Variants in BBS9 observed in about 807,000 individuals in gnomAD.
The protein encoded by BBS9 is protein PTHB1.
A neutral mutation model predicts 117.7 loss-of-function variants in BBS9; 89 were observed. The observed-to-expected ratio is 0.76, with a 90% CI of 0.64 to 0.90. The LOEUF is 0.90. BBS9 is among the 40% of genes least tolerant of loss of function. The pLI is 0.00. For synonymous variants in BBS9, 379 were observed against 370.9 expected, an observed-to-expected ratio of 1.02 and a Z score of -0.25; for missense variants, 982 against 1,042.2, an observed-to-expected ratio of 0.94 and a Z score of 0.80.
intron 9 of BBS9, among the ~76,000 whole-genome samples, chr7:33,327,889 A>G (rs983226648): frequency 1.3e-5 from 2 of 152,176 alleles, no homozygotes; most frequent in African/African-American, 4.8e-5. Context: ...TGAGCAGCTT[A>G]AAGAATGGAG....
At chr7:33,129,370 G>A, upstream of BBS9, 1 of 441,860 alleles carries the variant, frequency 2.3e-6, no homozygotes, top group South Asian at 4.0e-5. Flanking sequence ...GAGGATTGCA[G>A]TAATTATCAC....
At chr7:33,224,234 G>A (rs984298889) in intron 5 of BBS9, among the ~76,000 whole-genome samples, 4 of 152,156 alleles carry the variant, frequency 2.6e-5, no homozygotes, top group African/African-American at 9.7e-5. Flanking sequence ...TCAGGTCAGT[G>A]CAATTAGCCT....
In BBS9 at chr7:33,570,625, T is replaced by C. The variant is rs138537461; in HGVS notation, c.2522-34240T>C. 5.1e-3 allele frequency among the ~76,000 whole-genome samples: 773 copies of C among 152,296 alleles called. 9 individuals are homozygous for C. Among genetic ancestry groups the C allele is most frequent in the South Asian group, 0.018 (86 of 4,822 alleles). On this transcript the variant is annotated intron_variant, in intron 21 of 22. Transcript: ENST00000242067. The stretch of plus-strand genomic sequence containing the variant: ...CAAAATATTTGCATAGTCTCAAATA[T>C]ATTTATTAATTTTAAGGGAAAACTG...
At chr7:33,614,192 T>C (rs556615980) in intron 21 of BBS9, among the ~76,000 whole-genome samples, 25 of 152,200 alleles carry the variant, frequency 1.6e-4, no homozygotes, top group Admixed American at 1.4e-3. Context: ...GTTATTCTTT[T>C]TAAAATACAG....
chr7:33,549,965 A>T (rs1001914241), intron 21 of BBS9, among the ~76,000 whole-genome samples: 1 of 152,224 alleles, frequency 6.6e-6, no homozygotes, highest in Non-Finnish European at 1.5e-5. Flanking sequence ...TTTGTCTTCA[A>T]ATATGAGGAT....
At chr7:33,424,872 C>G (rs1050176369) in intron 19 of BBS9, among the ~76,000 whole-genome samples, 1 of 151,914 alleles carries the variant, frequency 6.6e-6, no homozygotes, top group Admixed American at 6.6e-5. Context: ...TTTGATCACT[C>G]AGAGTAACAG....
chr7:33,386,997 G>A (rs1487804183), intron 18 of BBS9, among the ~76,000 whole-genome samples: 2 of 151,934 alleles, frequency 1.3e-5, no homozygotes, highest in Non-Finnish European at 1.5e-5. Flanking sequence ...AATAATGGTA[G>A]CACATTATAC....
At chr7:33,359,164 C>T (rs1194149024) in intron 16 of BBS9, among the ~76,000 whole-genome samples, 1 of 151,856 alleles carries the variant, frequency 6.6e-6, no homozygotes, top group Non-Finnish European at 1.5e-5. Flanking sequence ...CCTTTTGTAA[C>T]ATCTTGTATA....
chr7:33,388,229 T>G (rs79833604), intron 19 of BBS9, 85 bp downstream of exon 19: 740 of 1,476,866 alleles, frequency 5.0e-4, no homozygotes, highest in Non-Finnish European at 6.3e-4. Context: ...ATATCCAAGA[T>G]AAGGTACTCA....
chr7:33,228,926 A>G (rs972158037), intron 5 of BBS9, among the ~76,000 whole-genome samples: 19 of 152,142 alleles, frequency 1.2e-4, no homozygotes, highest in African/African-American at 4.6e-4. Flanking sequence ...TTGTTGTTCA[A>G]GGGTCAGCTG....
intron 21 of BBS9, among the ~76,000 whole-genome samples, chr7:33,594,222 G>A (rs1862371119): frequency 6.6e-6 from 1 of 152,106 alleles, no homozygotes. Context: ...GCTCTGAGGT[G>A]TGAAATGGAA....
chr7:33,521,287 G>A (rs1056489752), intron 20 of BBS9, among the ~76,000 whole-genome samples: 4 of 152,186 alleles, frequency 2.6e-5, no homozygotes, highest in African/African-American at 9.7e-5. Context: ...GTTTGCAGCA[G>A]CTTTCTGCTT....
At chr7:33,599,876 A>C (rs1863527413) in intron 21 of BBS9, among the ~76,000 whole-genome samples, 1 of 152,262 alleles carries the variant, frequency 6.6e-6, no homozygotes, top group East Asian at 1.9e-4. Context: ...TCCACCTAGC[A>C]GTGGTGAGGG....
At chr7:33,521,477 A>G (rs1326797936) in intron 20 of BBS9, among the ~76,000 whole-genome samples, 1 of 152,208 alleles carries the variant, frequency 6.6e-6, no homozygotes, top group Non-Finnish European at 1.5e-5. Flanking sequence ...AGTTGTGACA[A>G]AGATACGGAG....
chr7:33,552,073 C>T (rs967182652), intron 21 of BBS9, among the ~76,000 whole-genome samples: 43 of 152,044 alleles, frequency 2.8e-4, no homozygotes, highest in Non-Finnish European at 1.2e-4. Context: ...GATAACATAT[C>T]TGTAGTGATC....
chr7:33,358,722 C>T (rs1389811382), intron 16 of BBS9, among the ~76,000 whole-genome samples: 1 of 151,808 alleles, frequency 6.6e-6, no homozygotes, highest in Non-Finnish European at 1.5e-5. Flanking sequence ...AGAATAAAAT[C>T]TTGGAATTAA....
Position 33,237,169 on chromosome 7 carries a change from A to C in BBS9, c.443-20067A>C, listed in dbSNP as rs528368903. Among the ~76,000 whole-genome samples, 10 of 152,344 alleles carry C rather than the reference A, an allele frequency of 6.6e-5. No homozygotes were observed. In the South Asian group the frequency reaches 2.1e-3, roughly 32 times the overall value. ...TTGTGCCAAGGTAAATAAAATAGTG[A>C]GCAACCTTGCAGTTGGATACAATGT... On this transcript the variant is annotated intron_variant, in intron 5 of 22. Transcript: ENST00000242067.
chr7:33,590,861 T>A lies in BBS9; in HGVS notation c.2522-14004T>A, dbSNP rs189306429. ...GATCAAGTAAATAGTTTTTCTTTTT[T>A]AAAAAAAAAACTAATAATCATGGAG... On this transcript the variant is annotated intron_variant, in intron 21 of 22. Transcript: ENST00000242067. 4.6e-3 allele frequency among the ~76,000 whole-genome samples: 697 copies of A among 149,922 alleles called. 1 individual carries two copies. The highest frequency in any genetic ancestry group is 0.011 in the African/African-American group (469 of 40,948).
At chr7:33,608,542 A>G (rs945520205), downstream of BBS9, among the ~76,000 whole-genome samples, 3 of 151,846 alleles carry the variant, frequency 2.0e-5, no homozygotes, top group Non-Finnish European at 2.9e-5. Context: ...CTTGCCAGCT[A>G]TTGTTTTTTG....
Sources: gnomAD v4.1 joint callset for allele counts (sites outside exome capture counted in the v4.1 genomes callset) on GRCh38, gnomAD v4.1.1 for gene constraint, MANE v1.5 for transcripts, NCBI Gene and HGNC (gene_info 2026-07-23, HGNC 2026-07-21) for gene names.